Variants in NAV3 observed in about 807,000 individuals in gnomAD.
The protein encoded by NAV3 is pore membrane and/or filament interacting like protein 1.
A neutral mutation model predicts 244.7 loss-of-function variants in NAV3; 87 were observed. That is an observed-to-expected ratio of 0.36 (90% CI 0.30 to 0.42). The LOEUF is 0.42. NAV3 is among the 20% of genes least tolerant of loss of function. The pLI, the probability that NAV3 is intolerant of heterozygous loss-of-function variation, is 1.00. For synonymous variants in NAV3, 1,126 were observed against 1,042.2 expected, an observed-to-expected ratio of 1.08 and a Z score of -1.55; for missense variants, 2,663 against 2,893.3, an observed-to-expected ratio of 0.92 and a Z score of 1.83.
At chr12:77,804,400 T>A (rs1008204631) in intron 2 of NAV3, among the ~76,000 whole-genome samples, 1 of 152,216 alleles carries the variant, frequency 6.6e-6, no homozygotes, top group African/African-American at 2.4e-5. Flanking sequence ...GCTAGCCAGT[T>A]TTCCCAAAAC....
intron 5 of NAV3, among the ~76,000 whole-genome samples, chr12:77,971,197 A>G (rs1386847579): frequency 6.6e-6 from 1 of 152,122 alleles, no homozygotes; most frequent in Non-Finnish European, 1.5e-5. Flanking sequence ...ATTTTTCATT[A>G]CAAGTTTATG....
At chr12:77,908,308 A>G (rs1336041745) in intron 1 of NAV3, among the ~76,000 whole-genome samples, 1 of 152,092 alleles carries the variant, frequency 6.6e-6, no homozygotes, top group Non-Finnish European at 1.5e-5. Context: ...ATGCCTCAAG[A>G]AAGTATTGGA....
intron 2 of NAV3, among the ~76,000 whole-genome samples, chr12:77,674,164 T>A (rs2137086948): frequency 6.6e-6 from 1 of 152,326 alleles, no homozygotes; most frequent in South Asian, 2.1e-4. Context: ...TTTATTAGGT[T>A]TTCTTCATAC....
intron 2 of NAV3, among the ~76,000 whole-genome samples, chr12:77,591,940 T>C (rs1316062477): frequency 6.6e-6 from 1 of 152,234 alleles, no homozygotes; most frequent in East Asian, 1.9e-4. Flanking sequence ...AATTGTAAAC[T>C]ATATTTTTCA....
At chr12:77,693,112 G>A (rs1875114549) in intron 2 of NAV3, among the ~76,000 whole-genome samples, 1 of 152,138 alleles carries the variant, frequency 6.6e-6, no homozygotes, top group Non-Finnish European at 1.5e-5. Flanking sequence ...AAAAGGGGTA[G>A]TCAGTGCCAG....
At chr12:77,793,730 G>A (rs1016215881) in intron 2 of NAV3, among the ~76,000 whole-genome samples, 3 of 152,158 alleles carry the variant, frequency 2.0e-5, no homozygotes, top group Admixed American at 1.3e-4. Context: ...TCATTGTTGG[G>A]CATTTGGGTT....
At chr12:78,108,129 G>T (rs1328593345) in intron 12 of NAV3, among the ~76,000 whole-genome samples, 1 of 152,082 alleles carries the variant, frequency 6.6e-6, no homozygotes, top group Non-Finnish European at 1.5e-5. Context: ...CCTTGCAAAT[G>T]GAAAGCAATA....
chr12:78,179,734 G>T (rs1172393182), intron 29 of NAV3, 52 bp downstream of exon 29: 1 of 1,557,756 alleles, frequency 6.4e-7, no homozygotes. Flanking sequence ...AAAAAATGCT[G>T]CTTATTCTGT....
intron 1 of NAV3, among the ~76,000 whole-genome samples, chr12:77,937,666 A>AC (rs1281821082): frequency 5.3e-5 from 8 of 152,154 alleles, no homozygotes; most frequent in Non-Finnish European, 1.5e-5. Flanking sequence ...GATTCACAAC[A>AC]CCTGTGAAGT....
chr12:77,824,617 G>A (rs115833038), intron 2 of NAV3, among the ~76,000 whole-genome samples: 3,041 of 152,074 alleles, frequency 0.02, 90 homozygotes, highest in African/African-American at 0.068. Context: ...TGCTGGCCAG[G>A]TGCAGTGGCT....
chr12:78,113,775 C>A (rs1214609424), intron 12 of NAV3, among the ~76,000 whole-genome samples: 2 of 152,212 alleles, frequency 1.3e-5, no homozygotes, highest in Admixed American at 6.5e-5. Context: ...GTTACTTATG[C>A]AAATTTCTGC....
chr12:78,076,630 C>G (rs1016530045), intron 12 of NAV3, among the ~76,000 whole-genome samples: 1 of 151,976 alleles, frequency 6.6e-6, no homozygotes, highest in Non-Finnish European at 1.5e-5. Context: ...ACTATTAGTA[C>G]TCAATAAACG....
intron 2 of NAV3, among the ~76,000 whole-genome samples, chr12:77,751,744 C>A (rs1267624093): frequency 6.6e-6 from 1 of 152,140 alleles, no homozygotes; most frequent in African/African-American, 2.4e-5. Context: ...AATCTAGAAG[C>A]ATTATATCAA....
At chr12:77,901,859 A>G (rs753740914) in intron 1 of NAV3, among the ~76,000 whole-genome samples, 23 of 152,118 alleles carry the variant, frequency 1.5e-4, no homozygotes, top group Non-Finnish European at 2.1e-4. Context: ...GGAGTCCCCA[A>G]ATTTGCTTGG....
intron 2 of NAV3, among the ~76,000 whole-genome samples, chr12:77,796,845 G>GT (rs146502457): frequency 0.39 from 57,472 of 149,006 alleles, 11,020 homozygotes; most frequent in East Asian, 0.47. Context: ...TTTAATTAAG[G>GT]TTTTTTTTTT....
chr12:77,859,637 G>GA (rs35019138), intron 1 of NAV3, among the ~76,000 whole-genome samples: 102 of 136,616 alleles, frequency 7.5e-4, no homozygotes, highest in African/African-American at 1.4e-3. Flanking sequence ...AAATCAAAGT[G>GA]AAAAAAAAAA....
At chr12:77,660,723 C>A (rs1459540673) in intron 2 of NAV3, among the ~76,000 whole-genome samples, 2 of 152,028 alleles carry the variant, frequency 1.3e-5, no homozygotes, top group Non-Finnish European at 2.9e-5. Context: ...TCCACCTTCA[C>A]CAAAAGTTTC....
chr12:77,802,924 C>T (rs1248374257), intron 2 of NAV3, among the ~76,000 whole-genome samples: 1 of 152,144 alleles, frequency 6.6e-6, no homozygotes, highest in East Asian at 1.9e-4. Context: ...GCCTTGGCCT[C>T]CCAAAGTGCT....
chr12:78,138,903 T>C (rs890573362), intron 19 of NAV3, among the ~76,000 whole-genome samples: 1 of 152,118 alleles, frequency 6.6e-6, no homozygotes, highest in East Asian at 1.9e-4. Flanking sequence ...TCAAGACTTA[T>C]TGAACTAGAT....
Sources: allele counts gnomAD v4.1 joint callset (sites outside exome capture counted in the v4.1 genomes callset), GRCh38; gene constraint gnomAD v4.1.1; transcripts MANE v1.5; gene names NCBI Gene and HGNC (gene_info 2026-07-23, HGNC 2026-07-21).